Variants in PRR16 observed in about 807,000 individuals in gnomAD.
The protein encoded by PRR16 is proline rich 16, also known as protein Largen.
PRR16 carries 6 observed loss-of-function variants against 18.2 expected under a neutral mutation model. The observed-to-expected ratio is 0.33, with a 90% CI of 0.18 to 0.65. The LOEUF is 0.65. Among genes scored for constraint, PRR16 ranks in the 30% least tolerant of loss-of-function variants. The pLI is 0.74. For synonymous variants in PRR16, 151 were observed against 147.8 expected, an observed-to-expected ratio of 1.02 and a Z score of -0.16; for missense variants, 412 against 376.6, an observed-to-expected ratio of 1.09 and a Z score of -0.78.
At chr5:120,497,972 A>G (rs1004392748) in intron 1 of PRR16, among the ~76,000 whole-genome samples, 1 of 151,566 alleles carries the variant, frequency 6.6e-6, no homozygotes, top group African/African-American at 2.4e-5. Flanking sequence ...ATAGTCATCC[A>G]TTTTACTAAC....
chr5:120,520,707 CAT>C (rs1377956491), intron 1 of PRR16, among the ~76,000 whole-genome samples: 1 of 152,152 alleles, frequency 6.6e-6, no homozygotes, highest in African/African-American at 2.4e-5. Flanking sequence ...TGAGTTGTCA[CAT>C]ATGTGTTACA....
chr5:120,711,961 G>T, the PRR16 span, among the ~76,000 whole-genome samples: 3 of 152,094 alleles, frequency 2.0e-5, no homozygotes, highest in Non-Finnish European at 4.4e-5. Context: ...AGAAAATTCT[G>T]TGTCTAAGTT....
chr5:120,776,515 A>G, the PRR16 span, among the ~76,000 whole-genome samples: 1 of 152,134 alleles, frequency 6.6e-6, no homozygotes, highest in South Asian at 2.1e-4. Context: ...TCTAAACATT[A>G]GAGCTTGGAT....
intron 1 of PRR16, among the ~76,000 whole-genome samples, chr5:120,657,271 G>A (rs1017409675): frequency 5.3e-5 from 8 of 151,942 alleles, no homozygotes; most frequent in Non-Finnish European, 1.0e-4. Context: ...TAAACTTAGA[G>A]TAAGCAGATT....
At chr5:120,605,575 G>A (rs1019024550) in intron 1 of PRR16, among the ~76,000 whole-genome samples, 6 of 152,158 alleles carry the variant, frequency 3.9e-5, no homozygotes, top group Non-Finnish European at 1.5e-5. Flanking sequence ...TGGTCACGTG[G>A]AGGTTAGAAG....
At chr5:120,717,818 C>G in the PRR16 span, among the ~76,000 whole-genome samples, 1 of 152,044 alleles carries the variant, frequency 6.6e-6, no homozygotes, top group African/African-American at 2.4e-5. Context: ...ATTTGAATGT[C>G]AGAACGAAAA....
At chr5:120,576,309 A>C (rs71586490) in intron 1 of PRR16, among the ~76,000 whole-genome samples, 1 of 152,180 alleles carries the variant, frequency 6.6e-6, no homozygotes, top group African/African-American at 2.4e-5. Context: ...ACTCAGTAAC[A>C]ACAACAACAA....
At chr5:120,624,777 A>C (rs941525331) in intron 1 of PRR16, among the ~76,000 whole-genome samples, 2 of 152,156 alleles carry the variant, frequency 1.3e-5, no homozygotes, top group Non-Finnish European at 2.9e-5. Flanking sequence ...CCCCACTCAA[A>C]TGTCATCTTG....
intron 1 of PRR16, among the ~76,000 whole-genome samples, chr5:120,631,609 A>G (rs2112840298): frequency 6.6e-6 from 1 of 152,128 alleles, no homozygotes; most frequent in African/African-American, 2.4e-5. Context: ...AGGCAGCCAT[A>G]ATCTCCCTGT....
chr5:120,547,787 G>T (rs1752119744), intron 1 of PRR16, among the ~76,000 whole-genome samples: 1 of 151,914 alleles, frequency 6.6e-6, no homozygotes, highest in Admixed American at 6.6e-5. Context: ...GAAGATCTCT[G>T]AGTCTATATG....
At chr5:120,473,880 G>A (rs1023462651) in intron 1 of PRR16, among the ~76,000 whole-genome samples, 4 of 152,146 alleles carry the variant, frequency 2.6e-5, no homozygotes, top group Non-Finnish European at 4.4e-5. Flanking sequence ...AGGAGGAAGT[G>A]CAATTTTAAA....
intron 1 of PRR16, among the ~76,000 whole-genome samples, chr5:120,586,772 A>G (rs557308715): frequency 2.0e-4 from 31 of 152,040 alleles, no homozygotes; most frequent in Non-Finnish European, 2.6e-4. Flanking sequence ...TTGAAATTTG[A>G]CCAGTTAGTA....
At chr5:120,483,322 A>G (rs1749682854) in intron 1 of PRR16, among the ~76,000 whole-genome samples, 1 of 152,130 alleles carries the variant, frequency 6.6e-6, no homozygotes, top group Non-Finnish European at 1.5e-5. Flanking sequence ...TTATAAATCT[A>G]TGATGAAAAA....
At chr5:120,596,024 T>G (rs1345689203) in intron 1 of PRR16, among the ~76,000 whole-genome samples, 3 of 151,916 alleles carry the variant, frequency 2.0e-5, no homozygotes, top group Non-Finnish European at 4.4e-5. Context: ...GTTCTTATCA[T>G]AACTAAAGAT....
the PRR16 span, among the ~76,000 whole-genome samples, chr5:120,786,995 A>AAT: frequency 6.6e-6 from 1 of 152,132 alleles, no homozygotes; most frequent in South Asian, 2.1e-4. Context: ...ATATGGTTTT[A>AAT]AGCCAAGTCA....
At chr5:120,722,928 T>C in the PRR16 span, among the ~76,000 whole-genome samples, 1 of 151,486 alleles carries the variant, frequency 6.6e-6, no homozygotes, top group Non-Finnish European at 1.5e-5. Flanking sequence ...TCTCTATATT[T>C]ACATCTATAC....
At chr5:120,656,350 C>T (rs1218491394) in intron 1 of PRR16, among the ~76,000 whole-genome samples, 2 of 151,140 alleles carry the variant, frequency 1.3e-5, no homozygotes, top group South Asian at 2.1e-4. Context: ...CTCTTCTTAA[C>T]GGATGTAAGA....
chr5:120,517,297 T>G (rs1751029477), intron 1 of PRR16, among the ~76,000 whole-genome samples: 1 of 152,162 alleles, frequency 6.6e-6, no homozygotes, highest in Non-Finnish European at 1.5e-5. Flanking sequence ...TCCATGTAAA[T>G]AAATTAGAAC....
At chr5:120,664,979 G>T (rs1580851781) in intron 1 of PRR16, among the ~76,000 whole-genome samples, 1 of 151,804 alleles carries the variant, frequency 6.6e-6, no homozygotes, top group East Asian at 1.9e-4. Context: ...CCCAGTAAAG[G>T]GATTGCTGGG....
Sources: gnomAD v4.1 joint callset for allele counts (sites outside exome capture counted in the v4.1 genomes callset) on GRCh38, gnomAD v4.1.1 for gene constraint, MANE v1.5 for transcripts, NCBI Gene and HGNC (gene_info 2026-07-23, HGNC 2026-07-21) for gene names.